Variants in KSR2 observed in about 807,000 individuals in gnomAD.
The protein encoded by KSR2 is kinase suppressor of ras 2.
A neutral mutation model predicts 107.8 loss-of-function variants in KSR2; 25 were observed. That is an observed-to-expected ratio of 0.23 (90% CI 0.17 to 0.32). The LOEUF (loss-of-function observed/expected upper bound fraction) is 0.32. Among genes scored for constraint, KSR2 ranks in the 10% least tolerant of loss-of-function variants. The pLI is 1.00. For missense variants in KSR2, 887 were observed against 1,268.9 expected (o/e 0.70, Z 4.57); for synonymous variants, 480 against 507.0 (o/e 0.95, Z 0.71).
At position 117,555,214 on chromosome 12, in the gene KSR2, G is replaced by A. The variant is rs2137335496; in HGVS notation, c.1473C>T (p.Asp491=). Residue 491 remains aspartate, a synonymous_variant, in exon 9 of 20, where the codon GAC becomes GAT. Transcript: ENST00000339824. ...TGGGGAGCGTCTGACTGATGTGCAGGTCTGAATAGCGAGGTGGCTTCCGTA... is the reference window on the plus strand; with the variant it reads ...TGGGGAGCGTCTGACTGATGTGCAGATCTGAATAGCGAGGTGGCTTCCGTA... The part of the protein sequence containing the change: ...NPLRKPPRYS[D]LHISQTLPKT... 6.2e-7 allele frequency: 1 copy of A among 1,613,952 alleles called. No individual in the cohort carries two copies. The highest frequency in any genetic ancestry group is 8.5e-7 in the Non-Finnish European group (1 of 1,179,878).
At chr12:117,709,443 T>A (rs58560266) in intron 4 of KSR2, among the ~76,000 whole-genome samples, 1 of 151,980 alleles carries the variant, frequency 6.6e-6, no homozygotes, top group Non-Finnish European at 1.5e-5. Flanking sequence ...CCCATCTCAG[T>A]CTCCAGAGTA....
chr12:117,562,397 G>A (rs940037231), intron 7 of KSR2, among the ~76,000 whole-genome samples: 1 of 152,122 alleles, frequency 6.6e-6, no homozygotes, highest in Non-Finnish European at 1.5e-5. Context: ...TGAGCTGTGG[G>A]GAATCTGATG....
At chr12:117,639,960 A>G (rs1261148162) in intron 5 of KSR2, among the ~76,000 whole-genome samples, 1 of 152,110 alleles carries the variant, frequency 6.6e-6, no homozygotes, top group Non-Finnish European at 1.5e-5. Flanking sequence ...CCAGAGCTTA[A>G]GCTTTGTCAC....
intron 17 of KSR2, among the ~76,000 whole-genome samples, chr12:117,474,604 T>A (rs1250125220): frequency 2.6e-5 from 4 of 152,146 alleles, no homozygotes; most frequent in Non-Finnish European, 4.4e-5. Context: ...AGGCAAGGAT[T>A]TGCATGGCCA....
chr12:117,885,760 G>C (rs991993329), intron 1 of KSR2, among the ~76,000 whole-genome samples: 6 of 151,920 alleles, frequency 3.9e-5, no homozygotes, highest in Admixed American at 2.6e-4. Context: ...CTAGATGACA[G>C]GTTGACAGGT....
At chr12:117,522,409 C>T (rs979672737) in intron 14 of KSR2, among the ~76,000 whole-genome samples, 1 of 151,966 alleles carries the variant, frequency 6.6e-6, no homozygotes, top group African/African-American at 2.4e-5. Flanking sequence ...GAGAGAAGGC[C>T]AGGGGTGGGG....
At chr12:117,875,957 G>A (rs1304381088) in intron 1 of KSR2, among the ~76,000 whole-genome samples, 6 of 152,186 alleles carry the variant, frequency 3.9e-5, no homozygotes, top group Non-Finnish European at 8.8e-5. Flanking sequence ...CATACAGTCG[G>A]TGCTCAATAC....
Position 117,669,619 on chromosome 12 carries a change from G to A in KSR2, c.987-1961C>T, listed in dbSNP as rs1828072410. On this transcript the variant is annotated intron_variant, in intron 4 of 19. Transcript: ENST00000339824. ...GCAGTGTCTCATCTCTATAATCCCA[G>A]CACTTTCGGGGGCCAAGGTGGGAGA... 2.0e-5 allele frequency among the ~76,000 whole-genome samples: 3 copies of A among 151,816 alleles called. No homozygotes were observed. The South Asian group carries it at 6.2e-4, about 32-fold the overall frequency.
chr12:117,781,347 T>C (rs1042897616), intron 3 of KSR2, among the ~76,000 whole-genome samples: 2 of 152,124 alleles, frequency 1.3e-5, no homozygotes, highest in Non-Finnish European at 2.9e-5. Context: ...GGCGGTTCAT[T>C]AAGCAAAGAA....
In KSR2 at chr12:117,525,084, A is replaced by G. The variant is rs781113827; in HGVS notation, c.1987T>C (p.Phe663Leu). Reference protein sequence around the residue: ...SIFLQEWDIPFEQLEIGELIG... With the variant: ...SIFLQEWDIPLEQLEIGELIG... ...AGCTCGCCGATCTCCAGCTGCTCAAAGGGGATGTCCCACTCCTGAAGGAAG... is the reference window on the plus strand; with the variant it reads ...AGCTCGCCGATCTCCAGCTGCTCAAGGGGGATGTCCCACTCCTGAAGGAAG... Residue 663 changes from phenylalanine (F) to leucine (L), a missense_variant, in exon 14 of 20, where the codon TTT (phenylalanine) becomes CTT (leucine). Physicochemically the swap from Phe to Leu is conservative, Grantham distance 22. Transcript: ENST00000339824. The G allele has an allele frequency of 7.4e-6, 12 of 1,613,986 alleles. No homozygotes were observed. The South Asian group carries it at 1.3e-4, about 18-fold the overall frequency.
At chr12:117,957,361 G>A (rs77034383) in intron 1 of KSR2, among the ~76,000 whole-genome samples, 38 of 152,298 alleles carry the variant, frequency 2.5e-4, no homozygotes, top group African/African-American at 9.1e-4. Context: ...CAGAAGCCCT[G>A]CTGAAGAAAA....
intron 1 of KSR2, among the ~76,000 whole-genome samples, chr12:117,901,129 G>A (rs538626902): frequency 6.6e-6 from 1 of 152,230 alleles, no homozygotes; most frequent in South Asian, 2.1e-4. Context: ...AGAGGAACCA[G>A]GGCCGGGTGA....
rs575821786 is a variant in KSR2, at chr12:117,523,656, G to A, written c.2219+1196C>T. ...AACCACAATGGTAAAGACAGCAAAT[G>A]TGCTCTGCAACTTTCATGAAAACCA... On this transcript the variant is annotated intron_variant, in intron 14 of 19. Coordinates refer to ENST00000339824, the MANE Select transcript of KSR2 (RefSeq NM_173598.6). 5.9e-5 allele frequency among the ~76,000 whole-genome samples: 9 copies of A among 152,308 alleles called. No homozygotes were observed. In the South Asian group the frequency reaches 1.9e-3, roughly 32 times the overall value.
chr12:117,804,518 A>G (rs1890946751), intron 3 of KSR2, among the ~76,000 whole-genome samples: 1 of 152,144 alleles, frequency 6.6e-6, no homozygotes, highest in Admixed American at 6.5e-5. Flanking sequence ...GAGACCCTAC[A>G]CTGAATACCC....
intron 14 of KSR2, among the ~76,000 whole-genome samples, chr12:117,523,292 G>C (rs143211766): frequency 1.7e-4 from 26 of 152,332 alleles, no homozygotes; most frequent in African/African-American, 6.3e-4. Flanking sequence ...GGCCTGGTAA[G>C]ATGCAAGACT....
chr12:117,532,873 C>T (rs1250433156), intron 10 of KSR2, among the ~76,000 whole-genome samples: 3 of 151,006 alleles, frequency 2.0e-5, no homozygotes, highest in African/African-American at 7.4e-5. Flanking sequence ...GGTGAATCCA[C>T]TTTCAGAAAC....
intron 1 of KSR2, among the ~76,000 whole-genome samples, chr12:117,894,110 C>T (rs901456754): frequency 6.6e-6 from 1 of 152,002 alleles, no homozygotes; most frequent in African/African-American, 2.4e-5. Context: ...GGGGTTTCAC[C>T]GTGTTAGCAA....
At chr12:117,588,939 A>G (rs1172658821) in intron 5 of KSR2, among the ~76,000 whole-genome samples, 1 of 152,250 alleles carries the variant, frequency 6.6e-6, no homozygotes, top group Non-Finnish European at 1.5e-5. Flanking sequence ...TACCGTATGT[A>G]TCTTGCAGCT....
intron 9 of KSR2, among the ~76,000 whole-genome samples, chr12:117,550,890 C>G (rs1233050833): frequency 6.6e-6 from 1 of 152,182 alleles, no homozygotes; most frequent in Non-Finnish European, 1.5e-5. Flanking sequence ...TCCTCCACGT[C>G]TAGTTTCATG....
Sources: allele counts gnomAD v4.1 joint callset (sites outside exome capture counted in the v4.1 genomes callset), GRCh38; gene constraint gnomAD v4.1.1; transcripts MANE v1.5; gene names NCBI Gene and HGNC (gene_info 2026-07-23, HGNC 2026-07-21).